The following PDZD2 variants were observed in gnomAD, a reference collection of about 807,000 sequenced individuals.
The protein encoded by PDZD2 is PDZ domain containing 2.
A neutral mutation model predicts 220.7 loss-of-function variants in PDZD2; 90 were observed. The observed-to-expected ratio is 0.41, with a 90% CI of 0.34 to 0.49. The LOEUF (loss-of-function observed/expected upper bound fraction) is 0.49. PDZD2 is among the 20% of genes least tolerant of loss of function. The pLI is 0.28. For missense variants in PDZD2, 3,174 were observed against 3,608.5 expected, an observed-to-expected ratio of 0.88 and a Z score of 3.08; for synonymous variants, 1,375 against 1,450.5, an observed-to-expected ratio of 0.95 and a Z score of 1.18.
intron 2 of PDZD2, among the ~76,000 whole-genome samples, chr5:31,802,389 G>A (rs970878076): frequency 2.6e-5 from 4 of 152,270 alleles, no homozygotes; most frequent in Admixed American, 1.3e-4. Flanking sequence ...CTCAGGCTCC[G>A]TCTCTGACTC....
chr5:31,970,584 A>C (rs919636611), intron 2 of PDZD2, among the ~76,000 whole-genome samples: 3 of 152,016 alleles, frequency 2.0e-5, no homozygotes, highest in Non-Finnish European at 4.4e-5. Flanking sequence ...TGAACCTGGG[A>C]GGTGGAAGAT....
intron 4 of PDZD2, among the ~76,000 whole-genome samples, chr5:31,997,358 G>A (rs1181104574): frequency 6.6e-6 from 1 of 152,178 alleles, no homozygotes; most frequent in East Asian, 1.9e-4. Flanking sequence ...GCACAAACCA[G>A]CAAAGTCTTT....
chr5:31,640,394 GA>G (rs1744904690), intron 1 of PDZD2, among the ~76,000 whole-genome samples: 1 of 152,230 alleles, frequency 6.6e-6, no homozygotes, highest in Admixed American at 6.5e-5. Flanking sequence ...AGTGTTGGGG[GA>G]TGGAGCTGAG....
chr5:31,989,952 T>C (rs1751080337), intron 3 of PDZD2, among the ~76,000 whole-genome samples: 1 of 152,202 alleles, frequency 6.6e-6, no homozygotes, highest in Admixed American at 6.5e-5. Flanking sequence ...CACTGTGGCC[T>C]TCAGGTTGCT....
intron 5 of PDZD2, among the ~76,000 whole-genome samples, chr5:32,005,645 G>C (rs1752742472): frequency 6.6e-6 from 1 of 152,114 alleles, no homozygotes. Context: ...TGTGCAACAT[G>C]TACATACATG....
At chr5:31,871,481 T>G (rs948690460) in intron 2 of PDZD2, among the ~76,000 whole-genome samples, 13 of 152,234 alleles carry the variant, frequency 8.5e-5, no homozygotes, top group African/African-American at 2.9e-4. Flanking sequence ...TGAGACAGTC[T>G]CGCTCTGTCA....
In PDZD2 at chr5:31,816,244, C is replaced by T. The variant is rs1257296844; in HGVS notation, c.476+16520C>T. On this transcript the variant is annotated intron_variant, in intron 2 of 24. Transcript: ENST00000438447. ...CGGAGCTTGCAGTGAGCCGAGATCG[C>T]GCCACTGCACTCCAGCCTGGGCGAC... Among the ~76,000 whole-genome samples, 10 of 144,830 alleles carry T rather than the reference C, an allele frequency of 6.9e-5. No individual in the cohort carries two copies. In the South Asian group the frequency reaches 1.9e-3, roughly 28 times the overall value.
intron 5 of PDZD2, among the ~76,000 whole-genome samples, chr5:32,001,826 C>T (rs1581246866): frequency 1.3e-5 from 2 of 151,966 alleles, no homozygotes; most frequent in African/African-American, 2.4e-5. Context: ...AGTGACCTCT[C>T]GTGTGTCTTA....
At chr5:31,859,422 C>T (rs1737479567) in intron 2 of PDZD2, among the ~76,000 whole-genome samples, 1 of 152,200 alleles carries the variant, frequency 6.6e-6, no homozygotes, top group South Asian at 2.1e-4. Flanking sequence ...GAAATTTCCT[C>T]ATTTTTGTCT....
chr5:31,692,157 G>C (rs1056720045), intron 1 of PDZD2, among the ~76,000 whole-genome samples: 1 of 92,842 alleles, frequency 1.1e-5, no homozygotes, highest in Non-Finnish European at 2.2e-5. Flanking sequence ...AGCCCTGCTC[G>C]CGGGAAGGCA....
At chr5:31,997,013 G>A (rs924227294) in intron 4 of PDZD2, among the ~76,000 whole-genome samples, 17 of 152,262 alleles carry the variant, frequency 1.1e-4, no homozygotes, top group Non-Finnish European at 2.2e-4. Context: ...GTCCCAAAAT[G>A]TCAGGCAGGC....
chr5:32,034,383 G>C, intron 6 of PDZD2, among the ~76,000 whole-genome samples: 1 of 138,678 alleles, frequency 7.2e-6, no homozygotes, highest in East Asian at 2.1e-4. Context: ...TTTTGACACA[G>C]AGTCTCGCTC....
At position 32,110,113 on chromosome 5, in the gene PDZD2, A is replaced by G. The variant is rs1446366387; in HGVS notation, c.*1978A>G. 1 of 152,652 alleles carries G rather than the reference A, an allele frequency of 6.6e-6. No homozygotes were observed. The allele number at this position is 152,652 out of a possible 1,614,324, so 9.5% of individuals were successfully genotyped here. ...TTCTGCTTTCTTGCCTAAATCAAAG[A>G]CTATTTCAAGTCAACAACACTGAAA... On this transcript the variant is annotated 3_prime_UTR_variant, in exon 25 of 25. Coordinates refer to ENST00000438447, the MANE Select transcript of PDZD2 (RefSeq NM_178140.4).
rs970162805 is a variant in PDZD2, at chr5:31,718,979, T to C, written c.-361+79542T>C. ...CCTCCCAAAGTACTGGGATTACAGG[T>C]GTGAGCCACAGCACCCTGCCTAACC... is the stretch of plus-strand genomic sequence containing the variant. On this transcript the variant is annotated intron_variant, in intron 1 of 24. Coordinates refer to ENST00000438447, the MANE Select transcript of PDZD2 (RefSeq NM_178140.4). Among the ~76,000 whole-genome samples, 6 of 152,260 alleles carry C rather than the reference T, an allele frequency of 3.9e-5. 1 individual carries two copies. The highest frequency in any genetic ancestry group is 6.8e-3 in the Middle Eastern group (2 of 294).
intron 1 of PDZD2, among the ~76,000 whole-genome samples, chr5:31,683,149 G>A (rs1746714906): frequency 6.7e-6 from 1 of 148,928 alleles, no homozygotes; most frequent in Non-Finnish European, 1.5e-5. Flanking sequence ...CTTGGCTTTG[G>A]GTACAGGCTG....
intron 2 of PDZD2, among the ~76,000 whole-genome samples, chr5:31,930,389 T>A (rs1282498551): frequency 2.6e-5 from 4 of 151,750 alleles, no homozygotes; most frequent in Non-Finnish European, 5.9e-5. Context: ...TAGAGTTTCA[T>A]GGGGTTTCAC....
At chr5:31,940,635 C>G (rs1272467637) in intron 2 of PDZD2, among the ~76,000 whole-genome samples, 5 of 152,216 alleles carry the variant, frequency 3.3e-5, no homozygotes, top group African/African-American at 4.8e-5. Context: ...TGTCAGGTAG[C>G]CTAAAGCCAC....
At chr5:31,908,487 C>T in intron 2 of PDZD2, 1 of 1,021,394 alleles carries the variant, frequency 9.8e-7, no homozygotes, top group Admixed American at 2.3e-5. Flanking sequence ...ACACTGATGA[C>T]TCGCTCATTG....
rs527361000 is a variant in PDZD2, at chr5:32,058,571, G to T, written c.2200+468G>T. Among the ~76,000 whole-genome samples the T allele has an allele frequency of 5.9e-5, 9 of 151,684 alleles. No homozygotes were observed. In the South Asian group the frequency reaches 1.7e-3, roughly 28 times the overall value. ...CGCCTGTAATCCCAGCTACTCGGGA[G>T]GCTGAGGCAAGACAATCGCTCGAAC... On this transcript the variant is annotated intron_variant, in intron 12 of 24. Coordinates refer to ENST00000438447, the MANE Select transcript of PDZD2 (RefSeq NM_178140.4).
Sources: gnomAD v4.1 joint callset for allele counts (sites outside exome capture counted in the v4.1 genomes callset) on GRCh38, gnomAD v4.1.1 for gene constraint, MANE v1.5 for transcripts, NCBI Gene and HGNC (gene_info 2026-07-23, HGNC 2026-07-21) for gene names.